SHQ1: variants seen among roughly 807,000 people sequenced by gnomAD.
The protein encoded by SHQ1 is protein SHQ1 homolog.
A neutral mutation model predicts 53.8 loss-of-function variants in SHQ1; 49 were observed. That is an observed-to-expected ratio of 0.91 (90% CI 0.72 to 1.16). The LOEUF (loss-of-function observed/expected upper bound fraction) is 1.16, where lower values mean the gene tolerates loss of function less well. SHQ1 is among the 50% of genes most tolerant of loss of function. The pLI, the probability that SHQ1 is intolerant of heterozygous loss-of-function variation, is 0.00. For synonymous variants in SHQ1, 243 were observed against 251.0 expected (o/e 0.97, Z 0.30); for missense variants, 738 against 683.1 (o/e 1.08, Z -0.90).
At chr3:72,767,134 C>T (rs761567063) in intron 10 of SHQ1, among the ~76,000 whole-genome samples, 15 of 152,192 alleles carry the variant, frequency 9.9e-5, no homozygotes, top group African/African-American at 2.7e-4. Context: ...ATCCTCCACA[C>T]GGCCATCAGA....
At chr3:72,782,155 T>C (rs576390358) in intron 10 of SHQ1, among the ~76,000 whole-genome samples, 1 of 152,178 alleles carries the variant, frequency 6.6e-6, no homozygotes, top group Non-Finnish European at 1.5e-5. Flanking sequence ...AAAAGGACAA[T>C]AGAAACATGT....
intron 10 of SHQ1, among the ~76,000 whole-genome samples, chr3:72,779,148 T>C (rs1352552918): frequency 6.6e-6 from 1 of 152,226 alleles, no homozygotes; most frequent in Admixed American, 6.5e-5. Flanking sequence ...CTATACTGTC[T>C]GGGCTCTGAC....
In SHQ1 at chr3:72,792,989, G is replaced by A; in HGVS notation, c.1108C>T (p.Gln370Ter). 1 of 1,612,020 alleles carries A rather than the reference G, an allele frequency of 6.2e-7. No individual in the cohort carries two copies. The highest frequency in any genetic ancestry group is 2.2e-5 in the East Asian group (1 of 44,852). ...KCLLDIHKIF[Q>*]ENDPAYILND... ...AGTATGTACGCTGGGTCATTTTCCT[G>A]AAAAATTTTGTGAATATCCAGGAGA... is the stretch of plus-strand genomic sequence containing the variant. Residue 370 changes from glutamine to a stop codon, truncating the protein, a stop_gained, in exon 10 of 11, where the codon CAG (glutamine) becomes TAG (stop). Coordinates refer to ENST00000325599, the MANE Select transcript of SHQ1 (RefSeq NM_018130.3). LOFTEE classifies it high-confidence loss of function.
At chr3:72,736,835 G>A in the SHQ1 span, among the ~76,000 whole-genome samples, 1 of 149,812 alleles carries the variant, frequency 6.7e-6, no homozygotes, top group African/African-American at 2.5e-5. Context: ...TCAGTTTGCA[G>A]GCTATACAAA....
chr3:72,791,037 G>T (rs1447569037), intron 10 of SHQ1, among the ~76,000 whole-genome samples: 1 of 152,010 alleles, frequency 6.6e-6, no homozygotes, highest in Non-Finnish European at 1.5e-5. Context: ...ACATCTACTT[G>T]GCAGCCTATA....
intron 10 of SHQ1, among the ~76,000 whole-genome samples, chr3:72,769,237 C>T (rs1428734335): frequency 6.6e-6 from 1 of 152,166 alleles, no homozygotes; most frequent in Non-Finnish European, 1.5e-5. Flanking sequence ...GATGTGGGCC[C>T]AGCAACTGCC....
At chr3:72,726,988 C>A in the SHQ1 span, among the ~76,000 whole-genome samples, 1 of 152,180 alleles carries the variant, frequency 6.6e-6, no homozygotes, top group Non-Finnish European at 1.5e-5. Context: ...GTCAGAGGAA[C>A]AGAGACTAAA....
chr3:72,729,641 T>C, the SHQ1 span, among the ~76,000 whole-genome samples: 4 of 152,194 alleles, frequency 2.6e-5, no homozygotes, highest in African/African-American at 9.6e-5. Flanking sequence ...TCTTATTACA[T>C]CTAAACACAA....
intron 4 of SHQ1, among the ~76,000 whole-genome samples, chr3:72,835,413 G>A (rs766413851): frequency 8.5e-5 from 13 of 152,062 alleles, no homozygotes; most frequent in Non-Finnish European, 1.9e-4. Context: ...TTCCTACTGA[G>A]TACAAAGCCT....
chr3:72,815,692 T>A (rs1055482452), intron 7 of SHQ1, among the ~76,000 whole-genome samples: 1 of 152,182 alleles, frequency 6.6e-6, no homozygotes, highest in Admixed American at 6.5e-5. Context: ...TAAAGCAAAG[T>A]AATCCCTGCT....
intron 10 of SHQ1, among the ~76,000 whole-genome samples, chr3:72,774,854 C>T (rs1287900079): frequency 1.3e-5 from 2 of 152,164 alleles, no homozygotes; most frequent in East Asian, 3.8e-4. Context: ...GTGGCTCATG[C>T]CTGTAATCCC....
chr3:72,839,096 C>G (rs1363214345), intron 4 of SHQ1, among the ~76,000 whole-genome samples: 4 of 152,112 alleles, frequency 2.6e-5, no homozygotes, highest in Non-Finnish European at 5.9e-5. Flanking sequence ...AAGGATTTTC[C>G]GTAAACAGAA....
intron 10 of SHQ1, among the ~76,000 whole-genome samples, chr3:72,781,510 C>T (rs578144401): frequency 7.2e-5 from 11 of 152,276 alleles, no homozygotes; most frequent in African/African-American, 2.6e-4. Flanking sequence ...TAATTTGACA[C>T]TACAAATGCA....
intron 4 of SHQ1, among the ~76,000 whole-genome samples, chr3:72,837,791 G>C (rs1708046025): frequency 6.6e-6 from 1 of 152,138 alleles, no homozygotes. Context: ...ACTCAGTTTT[G>C]AACCACTTGT....
At chr3:72,812,645 A>G in intron 9 of SHQ1, 26 bp downstream of exon 9, 1 of 1,607,796 alleles carries the variant, frequency 6.2e-7, no homozygotes, top group South Asian at 1.1e-5. Flanking sequence ...TTCCCTCCCA[A>G]ATTTGCAAGT....
intron 10 of SHQ1, 60 bp from the exon 11 acceptor site, chr3:72,750,896 G>A (rs1705352331): frequency 7.3e-7 from 1 of 1,367,618 alleles, no homozygotes; most frequent in Non-Finnish European, 9.7e-7. Context: ...GGGGATAACA[G>A]GTTATACAGC....
intron 10 of SHQ1, among the ~76,000 whole-genome samples, chr3:72,751,380 A>G (rs1705362460): frequency 6.6e-6 from 1 of 151,972 alleles, no homozygotes; most frequent in African/African-American, 2.4e-5. Context: ...AGATCACACC[A>G]CTGCACTCCA....
At position 72,750,074 on chromosome 3, in the gene SHQ1, G is replaced by A. The variant is rs1379944465; in HGVS notation, c.*210C>T. ...TGTATTATTTAGAGAATAATAACAAGAAAAAAGTCTGTACATGTTTGGTAC... is the reference window on the plus strand; with the variant it reads ...TGTATTATTTAGAGAATAATAACAAAAAAAAAGTCTGTACATGTTTGGTAC... On this transcript the variant is annotated 3_prime_UTR_variant, in exon 11 of 11. Transcript: ENST00000325599. 9.1e-6 allele frequency: 5 copies of A among 551,942 alleles called. No homozygotes were observed. The highest frequency in any genetic ancestry group is 1.6e-5 in the Non-Finnish European group (5 of 315,062). 34.2% of individuals were successfully genotyped at this position (551,942 alleles called of 1,614,324 possible).
At chr3:72,753,456 G>A in intron 10 of SHQ1, 1 of 985,388 alleles carries the variant, frequency 1.0e-6, no homozygotes, top group Non-Finnish European at 1.2e-6. Context: ...TAATGAGATT[G>A]TGCAGGGATT....
Sources: allele counts gnomAD v4.1 joint callset (sites outside exome capture counted in the v4.1 genomes callset), GRCh38; gene constraint gnomAD v4.1.1; transcripts MANE v1.5; gene names NCBI Gene and HGNC (gene_info 2026-07-23, HGNC 2026-07-21).